The following GALNTL6 variants were observed in gnomAD, a reference collection of about 807,000 sequenced individuals.
GALNTL6 encodes polypeptide N-acetylgalactosaminyltransferase like 6.
In GALNTL6, 46 loss-of-function variants were observed where a neutral mutation model predicts 73.7. The observed-to-expected ratio is 0.62, with a 90% CI of 0.49 to 0.80. The LOEUF (loss-of-function observed/expected upper bound fraction) is 0.80, where lower values mean the gene tolerates loss of function less well. Among genes scored for constraint, GALNTL6 ranks in the 30% least tolerant of loss-of-function variants. GALNTL6 has a pLI of 0.00. For missense variants in GALNTL6, 604 were observed against 755.0 expected (o/e 0.80, Z 2.34); for synonymous variants, 259 against 263.7 (o/e 0.98, Z 0.17).
chr4:173,025,822 T>C (rs1359974126), intron 12 of GALNTL6, among the ~76,000 whole-genome samples: 1 of 152,192 alleles, frequency 6.6e-6, no homozygotes, highest in Non-Finnish European at 1.5e-5. Context: ...TGAATAGTTG[T>C]TTTGCTTTTA....
chr4:171,873,245 C>T (rs1736185929), intron 2 of GALNTL6, among the ~76,000 whole-genome samples: 1 of 152,096 alleles, frequency 6.6e-6, no homozygotes, highest in Admixed American at 6.5e-5. Flanking sequence ...TTGGCAGAAC[C>T]AATCCATTAG....
intron 2 of GALNTL6, among the ~76,000 whole-genome samples, chr4:171,938,708 A>T (rs1345250170): frequency 1.3e-5 from 2 of 152,214 alleles, no homozygotes; most frequent in Non-Finnish European, 1.5e-5. Context: ...ATAGAAGTGA[A>T]ATGAATAGCA....
At chr4:172,678,992 A>G (rs913193459) in intron 5 of GALNTL6, among the ~76,000 whole-genome samples, 4 of 152,228 alleles carry the variant, frequency 2.6e-5, no homozygotes, top group Admixed American at 2.6e-4. Flanking sequence ...ACAGCCATGA[A>G]CAATATAAAA....
At chr4:171,931,592 T>A (rs2110997676) in intron 2 of GALNTL6, among the ~76,000 whole-genome samples, 1 of 152,342 alleles carries the variant, frequency 6.6e-6, no homozygotes, top group Non-Finnish European at 1.5e-5. Flanking sequence ...AAAAGTTCAA[T>A]TGCAGATTAG....
chr4:172,371,048 G>T (rs1004617682), intron 5 of GALNTL6, among the ~76,000 whole-genome samples: 3 of 152,134 alleles, frequency 2.0e-5, no homozygotes, highest in African/African-American at 7.2e-5. Context: ...CTTAGAATTG[G>T]TATAAATGTC....
chr4:172,487,009 A>G (rs1733691434), intron 5 of GALNTL6, among the ~76,000 whole-genome samples: 1 of 152,202 alleles, frequency 6.6e-6, no homozygotes, highest in Admixed American at 6.5e-5. Flanking sequence ...AATTTGTACA[A>G]TGCTATCTAT....
intron 3 of GALNTL6, among the ~76,000 whole-genome samples, chr4:172,300,659 G>T (rs1002259698): frequency 6.6e-6 from 1 of 152,042 alleles, no homozygotes; most frequent in South Asian, 2.1e-4. Context: ...TGAAATTCTG[G>T]GTTGAAAATT....
chr4:171,904,971 C>A (rs1292049644), intron 2 of GALNTL6, among the ~76,000 whole-genome samples: 7 of 152,124 alleles, frequency 4.6e-5, no homozygotes, highest in Non-Finnish European at 8.8e-5. Context: ...ACCAGGCCTG[C>A]CCTAAAACAG....
At chr4:172,948,730 C>A (rs1191373894) in intron 9 of GALNTL6, among the ~76,000 whole-genome samples, 1 of 151,840 alleles carries the variant, frequency 6.6e-6, no homozygotes, top group African/African-American at 2.4e-5. Context: ...CTCAGCCTCC[C>A]AAAGTGCTGG....
At chr4:172,544,973 C>T (rs564621264) in intron 5 of GALNTL6, among the ~76,000 whole-genome samples, 1 of 152,150 alleles carries the variant, frequency 6.6e-6, no homozygotes, top group South Asian at 2.1e-4. Context: ...AGGTTTTTCC[C>T]AATGCTTATA....
intron 5 of GALNTL6, among the ~76,000 whole-genome samples, chr4:172,434,203 G>A (rs1171992791): frequency 6.6e-6 from 1 of 152,000 alleles, no homozygotes; most frequent in African/African-American, 2.4e-5. Context: ...ATAGATTCTA[G>A]TTTGCTTAAG....
chr4:172,751,323 A>C (rs941332604), intron 5 of GALNTL6, among the ~76,000 whole-genome samples: 1 of 152,196 alleles, frequency 6.6e-6, no homozygotes, highest in African/African-American at 2.4e-5. Flanking sequence ...GATCAAATGG[A>C]GTTAAGGCTC....
intron 5 of GALNTL6, among the ~76,000 whole-genome samples, chr4:172,796,071 T>C (rs531070855): frequency 2.2e-4 from 34 of 151,826 alleles, no homozygotes; most frequent in African/African-American, 7.5e-4. Flanking sequence ...GTGATTGACT[T>C]TGAGTGATAA....
chr4:172,917,731 T>C (rs1691055433), intron 8 of GALNTL6, among the ~76,000 whole-genome samples: 1 of 152,116 alleles, frequency 6.6e-6, no homozygotes, highest in South Asian at 2.1e-4. Flanking sequence ...ATGGGGATCA[T>C]TAAAAAGTCA....
chr4:172,801,597 A>C (rs185326672), intron 5 of GALNTL6, among the ~76,000 whole-genome samples: 1 of 152,160 alleles, frequency 6.6e-6, no homozygotes, highest in Non-Finnish European at 1.5e-5. Context: ...AGCTTTCCAC[A>C]AGGCACACAG....
chr4:171,828,567 T>C (rs1244077379), intron 2 of GALNTL6, among the ~76,000 whole-genome samples: 1 of 152,176 alleles, frequency 6.6e-6, no homozygotes, highest in Non-Finnish European at 1.5e-5. Context: ...CTTATGGTAT[T>C]GATAAACACA....
At chr4:172,264,418 A>G (rs1003413603) in intron 3 of GALNTL6, among the ~76,000 whole-genome samples, 5 of 149,446 alleles carry the variant, frequency 3.3e-5, no homozygotes, top group Admixed American at 1.3e-4. Flanking sequence ...TGGCAACATT[A>G]AAACTAACAT....
intron 5 of GALNTL6, among the ~76,000 whole-genome samples, chr4:172,421,562 A>G (rs1284622617): frequency 6.6e-6 from 1 of 151,918 alleles, no homozygotes; most frequent in Non-Finnish European, 1.5e-5. Context: ...ATAAATATAT[A>G]GCAAATAATT....
intron 10 of GALNTL6, among the ~76,000 whole-genome samples, chr4:172,970,454 C>A (rs777659470): frequency 6.6e-6 from 1 of 152,156 alleles, no homozygotes; most frequent in African/African-American, 2.4e-5. Flanking sequence ...GAATGCAATT[C>A]TTTTCCTAGG....
Sources: allele counts gnomAD v4.1 joint callset (sites outside exome capture counted in the v4.1 genomes callset), GRCh38; gene constraint gnomAD v4.1.1; transcripts MANE v1.5; gene names NCBI Gene and HGNC (gene_info 2026-07-23, HGNC 2026-07-21).